The following PLEKHA7 variants were observed in gnomAD, a reference collection of about 807,000 sequenced individuals.
The protein encoded by PLEKHA7 is pleckstrin homology domain containing A7, also known as pleckstrin homology domain-containing family A member 7.
In PLEKHA7, 104 loss-of-function variants were observed where a neutral mutation model predicts 170.0. The observed-to-expected ratio is 0.61, with a 90% CI of 0.52 to 0.72. The LOEUF is 0.72. Among genes scored for constraint, PLEKHA7 ranks in the 30% least tolerant of loss-of-function variants. The pLI, the probability that PLEKHA7 is intolerant of heterozygous loss-of-function variation, is 0.00. For missense variants in PLEKHA7, 1,615 were observed against 1,671.7 expected (o/e 0.97, Z 0.59); for synonymous variants, 648 against 660.8 (o/e 0.98, Z 0.30).
intron 3 of PLEKHA7, among the ~76,000 whole-genome samples, chr11:16,948,609 C>G (rs1042945207): frequency 6.7e-6 from 1 of 148,854 alleles, no homozygotes; most frequent in African/African-American, 2.5e-5. Context: ...ACTCGCACCC[C>G]ACATGCACAC....
chr11:16,781,802 C>T (rs541581438), intron 26 of PLEKHA7, among the ~76,000 whole-genome samples: 1 of 152,228 alleles, frequency 6.6e-6, no homozygotes, highest in East Asian at 1.9e-4. Flanking sequence ...CCCTGCCGGC[C>T]ACATCCTTGG....
rs554502783 is a variant in PLEKHA7 at position 16,855,056 on chromosome 11, T to C, written c.418-63A>G. 1.4e-3 allele frequency: 1,921 copies of C among 1,418,554 alleles called. 2 individuals are homozygous for C. Among genetic ancestry groups the C allele is most frequent in the Non-Finnish European group, 1.7e-3 (1,752 of 1,003,062 alleles). 87.9% of individuals were successfully genotyped at this position (1,418,554 alleles called of 1,614,324 possible). On this transcript the variant is annotated intron_variant, in intron 5 of 26. Coordinates refer to ENST00000531066, the MANE Select transcript of PLEKHA7 (RefSeq NM_001329630.2). The stretch of plus-strand genomic sequence containing the variant: ...TTAAGGTGACACAAAAAAGCACTTG[T>C]ATGTTAGGAGGACCGTCGGCTCTCT...
chr11:16,891,070 C>CTCTATTCTATTCTATTCTATTCTAT (rs147769098), intron 3 of PLEKHA7, among the ~76,000 whole-genome samples: 5,144 of 149,860 alleles, frequency 0.034, 157 homozygotes, highest in East Asian at 0.14. Flanking sequence ...GACTATTATT[C>CTCTATTCTATTCTATTCTATTCTAT]TCTATTCTAT....
chr11:16,780,047 C>CA (rs1208477949), intron 26 of PLEKHA7, among the ~76,000 whole-genome samples: 1 of 152,058 alleles, frequency 6.6e-6, no homozygotes, highest in Non-Finnish European at 1.5e-5. Flanking sequence ...CAATGCCTGG[C>CA]ACACAGCAGG....
chr11:17,008,351 T>A (rs748965726), intron 3 of PLEKHA7, among the ~76,000 whole-genome samples: 1 of 152,190 alleles, frequency 6.6e-6, no homozygotes, highest in African/African-American at 2.4e-5. Flanking sequence ...CAGTCCCAGA[T>A]GCAGAGCAAT....
intron 4 of PLEKHA7, among the ~76,000 whole-genome samples, chr11:16,869,856 T>C (rs919310028): frequency 1.1e-4 from 16 of 152,246 alleles, no homozygotes; most frequent in Non-Finnish European, 2.1e-4. Context: ...GAGTTTATTT[T>C]AAGATCATAT....
At chr11:16,974,630 T>TTC in intron 3 of PLEKHA7, 1 of 273,346 alleles carries the variant, frequency 3.7e-6, no homozygotes, top group Non-Finnish European at 5.0e-6. Flanking sequence ...TCACAGGTTT[T>TTC]TTTTTTTTTT....
intron 9 of PLEKHA7, among the ~76,000 whole-genome samples, chr11:16,827,044 A>G (rs1454190896): frequency 5.9e-5 from 9 of 151,602 alleles, no homozygotes; most frequent in Admixed American, 5.9e-4. Context: ...CATGAAGACC[A>G]CTCCTGTGCT....
intron 4 of PLEKHA7, among the ~76,000 whole-genome samples, chr11:16,858,473 A>C (rs1006574007): frequency 1.5e-4 from 22 of 151,244 alleles, no homozygotes; most frequent in African/African-American, 1.9e-4. Flanking sequence ...CCATTTTTGC[A>C]CCTTGCAATC....
At chr11:16,783,014 G>A in intron 25 of PLEKHA7, 118 bp from the exon 26 acceptor site, 5 of 1,116,562 alleles carry the variant, frequency 4.5e-6, no homozygotes, top group Non-Finnish European at 6.2e-6. Flanking sequence ...GACAAAAACT[G>A]TGGTACTTTC....
intron 3 of PLEKHA7, among the ~76,000 whole-genome samples, chr11:17,008,373 A>G (rs1865137216): frequency 6.6e-6 from 1 of 152,166 alleles, no homozygotes; most frequent in African/African-American, 2.4e-5. Context: ...AGGATATGAA[A>G]TGAAGACGCA....
At chr11:16,788,746 C>CCAAATCATGTCTAACCAAATCATGT in intron 23 of PLEKHA7, 1 of 356,216 alleles carries the variant, frequency 2.8e-6, no homozygotes. Context: ...AATCATGTCA[C>CCAAATCATGTCTAACCAAATCATGT]CATCTTCCTC....
intron 10 of PLEKHA7, among the ~76,000 whole-genome samples, chr11:16,819,756 T>G (rs1187386385): frequency 6.6e-6 from 1 of 152,116 alleles, no homozygotes; most frequent in African/African-American, 2.4e-5. Context: ...GTCAAACTCA[T>G]AGAAGAACAG....
intron 21 of PLEKHA7, chr11:16,790,386 A>G (rs1847757819): frequency 4.9e-6 from 1 of 205,942 alleles, no homozygotes; most frequent in African/African-American, 2.3e-5. Context: ...GTGACTCTGG[A>G]GCCAGAGCAC....
chr11:16,888,399 G>C (rs1032281066), intron 3 of PLEKHA7, among the ~76,000 whole-genome samples: 1 of 152,210 alleles, frequency 6.6e-6, no homozygotes, highest in African/African-American at 2.4e-5. Flanking sequence ...TTGTTGAGTA[G>C]ACGGGGGGGA....
chr11:16,912,336 C>A (rs1450695114), intron 3 of PLEKHA7, among the ~76,000 whole-genome samples: 1 of 152,224 alleles, frequency 6.6e-6, no homozygotes, highest in East Asian at 1.9e-4. Context: ...GGACTTTGGC[C>A]TCCAACTTCA....
At chr11:16,947,886 A>T (rs1861138237) in intron 3 of PLEKHA7, among the ~76,000 whole-genome samples, 1 of 150,074 alleles carries the variant, frequency 6.7e-6, no homozygotes, top group Non-Finnish European at 1.5e-5. Context: ...ACTACACTCC[A>T]GCTTGGGCTA....
chr11:16,931,584 A>G (rs558735282), intron 3 of PLEKHA7, among the ~76,000 whole-genome samples: 47 of 151,554 alleles, frequency 3.1e-4, no homozygotes, highest in African/African-American at 1.1e-3. Context: ...ACAAACAAAC[A>G]CAACACAAAA....
intron 3 of PLEKHA7, among the ~76,000 whole-genome samples, chr11:16,931,207 G>A (rs992515858): frequency 5.3e-5 from 8 of 151,958 alleles, no homozygotes; most frequent in South Asian, 4.2e-4. Flanking sequence ...ACAACCCCAC[G>A]TTAGAAATGA....
Sources: gnomAD v4.1 joint callset for allele counts (sites outside exome capture counted in the v4.1 genomes callset) on GRCh38, gnomAD v4.1.1 for gene constraint, MANE v1.5 for transcripts, NCBI Gene and HGNC (gene_info 2026-07-23, HGNC 2026-07-21) for gene names.